Variants in TBX15 observed in about 807,000 individuals in gnomAD.
The protein encoded by TBX15 is T-box transcription factor TBX15.
A neutral mutation model predicts 53.9 loss-of-function variants in TBX15; 18 were observed. The ratio of observed to expected loss-of-function variants is 0.33; its 90% CI spans 0.23 to 0.49. The LOEUF (loss-of-function observed/expected upper bound fraction) is 0.49. Among genes scored for constraint, TBX15 ranks in the 20% least tolerant of loss-of-function variants. The probability of loss-of-function intolerance (pLI) is 0.98; values close to 1 mark genes in which losing one functional copy is unlikely to be tolerated. For synonymous variants in TBX15, 295 were observed against 278.0 expected, an observed-to-expected ratio of 1.06 and a Z score of -0.61; for missense variants, 692 against 749.5, an observed-to-expected ratio of 0.92 and a Z score of 0.90.
intron 3 of TBX15, 53 bp from the exon 4 acceptor site, chr1:118,924,870 A>G: frequency 6.2e-7 from 1 of 1,605,112 alleles, no homozygotes; most frequent in Non-Finnish European, 8.5e-7. Flanking sequence ...GAGAAGGGAC[A>G]GAGGCCCAGG....
intron 5 of TBX15, among the ~76,000 whole-genome samples, chr1:118,915,070 C>G (rs940622233): frequency 6.6e-6 from 1 of 152,160 alleles, no homozygotes; most frequent in South Asian, 2.1e-4. Flanking sequence ...CAAGCCTGAA[C>G]AACATATGTC....
At chr1:118,900,355 C>T (rs1319639839) in intron 6 of TBX15, among the ~76,000 whole-genome samples, 1 of 152,164 alleles carries the variant, frequency 6.6e-6, no homozygotes, top group Non-Finnish European at 1.5e-5. Context: ...CAGCCTTACA[C>T]AACAAGAATA....
At chr1:118,953,919 T>A (rs1342652884) in intron 1 of TBX15, among the ~76,000 whole-genome samples, 1 of 152,208 alleles carries the variant, frequency 6.6e-6, no homozygotes, top group Non-Finnish European at 1.5e-5. Context: ...GTGAGCTACC[T>A]ATAGTGTCCT....
chr1:118,966,120 C>T (rs1288699820), intron 1 of TBX15, among the ~76,000 whole-genome samples: 2 of 152,080 alleles, frequency 1.3e-5, no homozygotes, highest in African/African-American at 2.4e-5. Flanking sequence ...AATATCACAG[C>T]CTATTAGAGA....
chr1:118,933,968 A>G (rs1655884828), intron 1 of TBX15, among the ~76,000 whole-genome samples: 1 of 152,154 alleles, frequency 6.6e-6, no homozygotes, highest in Non-Finnish European at 1.5e-5. Flanking sequence ...AGGAACTGGA[A>G]AAGGGAAGGA....
At chr1:118,942,454 G>A (rs2101637919) in intron 1 of TBX15, among the ~76,000 whole-genome samples, 1 of 152,362 alleles carries the variant, frequency 6.6e-6, no homozygotes, top group East Asian at 1.9e-4. Flanking sequence ...GCTGGAGCCA[G>A]ATGAAGAATC....
chr1:118,950,212 A>T (rs1009249986), intron 1 of TBX15, among the ~76,000 whole-genome samples: 1 of 152,326 alleles, frequency 6.6e-6, no homozygotes, highest in Non-Finnish European at 1.5e-5. Context: ...GGTAATAGTC[A>T]TATACTCTTA....
At chr1:118,901,578 C>A (rs1348825108) in intron 6 of TBX15, among the ~76,000 whole-genome samples, 1 of 152,110 alleles carries the variant, frequency 6.6e-6, no homozygotes, top group Non-Finnish European at 1.5e-5. Flanking sequence ...ACTATTTACT[C>A]ATGAATTCAA....
chr1:118,945,369 A>G (rs1217974083), intron 1 of TBX15, among the ~76,000 whole-genome samples: 1 of 152,210 alleles, frequency 6.6e-6, no homozygotes, highest in Non-Finnish European at 1.5e-5. Context: ...TTATTTACAT[A>G]TTCACATTAA....
intron 6 of TBX15, among the ~76,000 whole-genome samples, chr1:118,909,136 A>G: frequency 6.6e-6 from 1 of 152,218 alleles, no homozygotes; most frequent in East Asian, 1.9e-4. Flanking sequence ...ATGTGGACTC[A>G]CTGGGGCTCC....
chr1:118,950,719 T>C (rs907340132), intron 1 of TBX15, among the ~76,000 whole-genome samples: 1 of 152,180 alleles, frequency 6.6e-6, no homozygotes. Flanking sequence ...CCTTTATTAT[T>C]CTCTAATAGG....
intron 1 of TBX15, among the ~76,000 whole-genome samples, chr1:118,938,761 G>A (rs532545789): frequency 1.3e-5 from 2 of 152,190 alleles, no homozygotes; most frequent in African/African-American, 4.8e-5. Flanking sequence ...GATGCTCAGG[G>A]TTTTTTCCTA....
intron 1 of TBX15, among the ~76,000 whole-genome samples, chr1:118,953,024 T>G (rs1656567022): frequency 6.6e-6 from 1 of 152,002 alleles, no homozygotes; most frequent in Non-Finnish European, 1.5e-5. Flanking sequence ...TTCATGTTTT[T>G]TAAATGTATA....
At chr1:118,886,990 AAT>A (rs2101434195) in intron 7 of TBX15, among the ~76,000 whole-genome samples, 1 of 152,314 alleles carries the variant, frequency 6.6e-6, no homozygotes, top group East Asian at 1.9e-4. Context: ...GTTCTCAGAT[AAT>A]TTAAGAAGGC....
rs1360124565 is a variant in TBX15 at position 118,893,582 on chromosome 1, GA to G, written c.1024+5445del. Among the ~76,000 whole-genome samples, 13 of 128,554 alleles carry G rather than the reference GA, an allele frequency of 1.0e-4. 1 individual carries two copies. Among genetic ancestry groups the G allele is most frequent in the African/African-American group, 4.6e-4 (12 of 26,108 alleles). 84.3% of individuals were successfully genotyped at this position (128,554 alleles called of 152,430 possible). A position where few individuals can be genotyped will look rare whatever the true frequency, so the allele number is the denominator to read the frequency against. On this transcript the variant is annotated intron_variant, in intron 7 of 7. Coordinates refer to ENST00000369429, the MANE Select transcript of TBX15 (RefSeq NM_001330677.2). The stretch of plus-strand genomic sequence containing the variant: ...GGAAAGAAGGAAGGAAGGAAAGAAA[GA>G]AAGGAAGGAAGGAAGGAAAGAAAGA...
intron 1 of TBX15, among the ~76,000 whole-genome samples, chr1:118,950,682 T>G (rs1054577966): frequency 6.6e-6 from 1 of 152,214 alleles, no homozygotes; most frequent in Non-Finnish European, 1.5e-5. Context: ...AATGAACATC[T>G]GATATTCATA....
chr1:118,966,546 G>A (rs1008795641), intron 1 of TBX15, among the ~76,000 whole-genome samples: 1 of 152,172 alleles, frequency 6.6e-6, no homozygotes, highest in Non-Finnish European at 1.5e-5. Flanking sequence ...CCTGCCTCCA[G>A]CACATCCTCT....
chr1:118,954,935 C>A (rs2101663947), intron 1 of TBX15, among the ~76,000 whole-genome samples: 1 of 152,274 alleles, frequency 6.6e-6, no homozygotes, highest in African/African-American at 2.4e-5. Context: ...TCCCAAGCAC[C>A]TCCTTGGCTA....
chr1:118,893,544 AG>A (rs1654278343), intron 7 of TBX15, among the ~76,000 whole-genome samples: 3 of 132,700 alleles, frequency 2.3e-5, no homozygotes, highest in East Asian at 2.2e-4. Flanking sequence ...GAAAGATGGA[AG>A]GAAGGAAGGA....
Sources: allele counts gnomAD v4.1 joint callset (sites outside exome capture counted in the v4.1 genomes callset), GRCh38; gene constraint gnomAD v4.1.1; transcripts MANE v1.5; gene names NCBI Gene and HGNC (gene_info 2026-07-23, HGNC 2026-07-21).